SEC24B: variants seen among roughly 807,000 people sequenced by gnomAD.
SEC24B encodes SEC24 homolog B, COPII component, also known as protein transport protein Sec24B.
A neutral mutation model predicts 142.8 loss-of-function variants in SEC24B; 45 were observed. The observed-to-expected ratio is 0.32, with a 90% CI of 0.25 to 0.40. The LOEUF (loss-of-function observed/expected upper bound fraction) is 0.40, where lower values mean the gene tolerates loss of function less well. SEC24B is among the 10% of genes least tolerant of loss of function. SEC24B has a pLI of 1.00. For synonymous variants in SEC24B, 574 were observed against 568.2 expected (o/e 1.01, Z -0.15); for missense variants, 1,409 against 1,526.8 (o/e 0.92, Z 1.29).
intron 1 of SEC24B, among the ~76,000 whole-genome samples, chr4:109,454,692 C>T (rs552049261): frequency 1.2e-4 from 19 of 152,348 alleles, no homozygotes; most frequent in African/African-American, 4.3e-4. Flanking sequence ...CAGATTCCCT[C>T]TTCCCCAAGG....
intron 1 of SEC24B, among the ~76,000 whole-genome samples, chr4:109,447,882 C>A (rs1729629983): frequency 6.6e-6 from 1 of 152,230 alleles, no homozygotes; most frequent in African/African-American, 2.4e-5. Flanking sequence ...GCATTCCCTT[C>A]TAGAGAATCT....
At chr4:109,524,491 A>G (rs1316131023) in intron 14 of SEC24B, among the ~76,000 whole-genome samples, 2 of 152,146 alleles carry the variant, frequency 1.3e-5, no homozygotes, top group Admixed American at 6.5e-5. Context: ...TGATATTCCA[A>G]TATCCACTTC....
At chr4:109,530,851 A>C (rs1043400549) in intron 19 of SEC24B, among the ~76,000 whole-genome samples, 1 of 145,106 alleles carries the variant, frequency 6.9e-6, no homozygotes, top group Non-Finnish European at 1.5e-5. Context: ...AGCCAAGATC[A>C]TGCCGCTGCA....
intron 1 of SEC24B, chr4:109,449,415 A>G (rs548112505): frequency 1.4e-4 from 27 of 188,942 alleles, no homozygotes; most frequent in South Asian, 1.3e-3. Context: ...TTTTTTTTGT[A>G]GAGACGGGAT....
At chr4:109,479,254 A>G (rs1408332447) in intron 3 of SEC24B, among the ~76,000 whole-genome samples, 2 of 152,206 alleles carry the variant, frequency 1.3e-5, no homozygotes, top group Non-Finnish European at 2.9e-5. Context: ...TATACCTTGG[A>G]AGCTCTGGTT....
intron 4 of SEC24B, among the ~76,000 whole-genome samples, chr4:109,483,903 C>T (rs567195665): frequency 1.3e-5 from 2 of 152,338 alleles, no homozygotes; most frequent in East Asian, 3.9e-4. Context: ...TTATAATTCT[C>T]TATCAACATA....
At chr4:109,506,597 T>A (rs1736715053) in intron 7 of SEC24B, 85 bp downstream of exon 7, 1 of 999,510 alleles carries the variant, frequency 1.0e-6, no homozygotes, top group East Asian at 2.8e-5. Context: ...GTATGTTATT[T>A]CTTCGGTTGG....
At chr4:109,444,791 A>G (rs1667239113) in intron 1 of SEC24B, among the ~76,000 whole-genome samples, 1 of 152,152 alleles carries the variant, frequency 6.6e-6, no homozygotes, top group South Asian at 2.1e-4. Context: ...TGTTAAAAAT[A>G]TTTTATTTCT....
At chr4:109,529,060 G>A (rs1347986000) in intron 18 of SEC24B, among the ~76,000 whole-genome samples, 1 of 151,956 alleles carries the variant, frequency 6.6e-6, no homozygotes, top group Non-Finnish European at 1.5e-5. Flanking sequence ...CTACTCAGGA[G>A]GCTGAGGCAG....
intron 4 of SEC24B, among the ~76,000 whole-genome samples, chr4:109,486,831 A>G (rs1734406406): frequency 6.6e-6 from 1 of 152,182 alleles, no homozygotes; most frequent in African/African-American, 2.4e-5. Context: ...AAATACGTAT[A>G]ATATGATAGG....
chr4:109,451,768 T>C (rs1038840452), intron 1 of SEC24B, among the ~76,000 whole-genome samples: 1 of 152,196 alleles, frequency 6.6e-6, no homozygotes, highest in Admixed American at 6.5e-5. Flanking sequence ...GACAGAGCTA[T>C]GAAATGTGAG....
In SEC24B at chr4:109,510,126, T is replaced by TATAAACCC. The variant is rs760608119; in HGVS notation, c.1776+19_1776+20insACCCATAA. The TATAAACCC allele has an allele frequency of 4.2e-6, 6 of 1,429,310 alleles. No homozygotes were observed. In the East Asian group the frequency reaches 1.4e-4, roughly 33 times the overall value. The allele number at this position is 1,429,310 out of a possible 1,614,324, so 88.5% of individuals were successfully genotyped here. On this transcript the variant is annotated intron_variant, in intron 8 of 23. Coordinates refer to ENST00000265175, the MANE Select transcript of SEC24B (RefSeq NM_006323.5). ...GAGACCTAACGGTAAAGTAACATTT[T>TATAAACCC]ATAATATTTATGGGTACTGACATGT...
chr4:109,527,535 G>C, intron 18 of SEC24B, 103 bp downstream of exon 18: 2 of 811,622 alleles, frequency 2.5e-6, no homozygotes, highest in Non-Finnish European at 4.1e-6. Context: ...CATTTTGGGA[G>C]GCTGAGGCGG....
chr4:109,510,129 A>G lies in SEC24B; in HGVS notation c.1776+18A>G. Reference sequence around the variant, plus strand: ...ACCTAACGGTAAAGTAACATTTTATAATATTTATGGGTACTGACATGTATG... The same window carrying G: ...ACCTAACGGTAAAGTAACATTTTATGATATTTATGGGTACTGACATGTATG... On this transcript the variant is annotated intron_variant, in intron 8 of 23. Transcript: ENST00000265175. 1 of 1,414,680 alleles carries G rather than the reference A, an allele frequency of 7.1e-7. No individual in the cohort carries two copies. Among genetic ancestry groups the G allele is most frequent in the East Asian group, 2.3e-5 (1 of 42,694 alleles). 87.6% of individuals were successfully genotyped at this position (1,414,680 alleles called of 1,614,324 possible).
At chr4:109,511,675 C>G (rs1737349091) in intron 8 of SEC24B, among the ~76,000 whole-genome samples, 1 of 152,174 alleles carries the variant, frequency 6.6e-6, no homozygotes, top group Non-Finnish European at 1.5e-5. Context: ...TTCTCTCTCA[C>G]TGTTATTTCT....
chr4:109,516,993 T>C (rs1171350918), intron 11 of SEC24B, among the ~76,000 whole-genome samples: 1 of 152,116 alleles, frequency 6.6e-6, no homozygotes, highest in African/African-American at 2.4e-5. Context: ...GGTGAGGATG[T>C]GGAGAAAAGG....
chr4:109,511,273 T>C (rs1243895467), intron 8 of SEC24B, among the ~76,000 whole-genome samples: 2 of 152,092 alleles, frequency 1.3e-5, no homozygotes, highest in African/African-American at 4.8e-5. Flanking sequence ...CTCAGTTAAC[T>C]ATATTTCCTG....
At chr4:109,487,217 C>T (rs1734462803) in intron 4 of SEC24B, among the ~76,000 whole-genome samples, 1 of 150,486 alleles carries the variant, frequency 6.6e-6, no homozygotes, top group Non-Finnish European at 1.5e-5. Flanking sequence ...TGAGAATGTG[C>T]TCCTGCATAG....
chr4:109,472,757 A>G lies in SEC24B; in HGVS notation c.878-247A>G, dbSNP rs552833920. The stretch of plus-strand genomic sequence containing the variant: ...GGAAAATTGTCATTAAAGTTTATTA[A>G]AATATTTGATGAGTAATTTTTCAGT... On this transcript the variant is annotated intron_variant, in intron 2 of 23. Transcript: ENST00000265175. Among the ~76,000 whole-genome samples the G allele has an allele frequency of 4.6e-5, 7 of 152,070 alleles. No homozygotes were observed. The East Asian group carries it at 1.3e-3, about 29-fold the overall frequency.
Sources: allele counts gnomAD v4.1 joint callset (sites outside exome capture counted in the v4.1 genomes callset), GRCh38; gene constraint gnomAD v4.1.1; transcripts MANE v1.5; gene names NCBI Gene and HGNC (gene_info 2026-07-23, HGNC 2026-07-21).